The following ZMAT4 variants were observed in gnomAD, a reference collection of about 807,000 sequenced individuals.
ZMAT4 encodes zinc finger matrin-type protein 4.
In ZMAT4, 17 loss-of-function variants were observed where a neutral mutation model predicts 28.7. That is an observed-to-expected ratio of 0.59 (90% CI 0.41 to 0.89). The LOEUF is 0.89. Among genes scored for constraint, ZMAT4 ranks in the 40% least tolerant of loss-of-function variants. The pLI, the probability that ZMAT4 is intolerant of heterozygous loss-of-function variation, is 0.00. For missense variants in ZMAT4, 240 were observed against 283.8 expected, an observed-to-expected ratio of 0.85 and a Z score of 1.11; for synonymous variants, 117 against 109.2, an observed-to-expected ratio of 1.07 and a Z score of -0.44.
At chr8:40,859,663 C>T (rs909777291) in intron 1 of ZMAT4, among the ~76,000 whole-genome samples, 20 of 152,168 alleles carry the variant, frequency 1.3e-4, no homozygotes, top group African/African-American at 4.8e-4. Flanking sequence ...AAAGCAAATG[C>T]TGTGTGTGCA....
intron 2 of ZMAT4, among the ~76,000 whole-genome samples, chr8:40,776,497 C>T (rs113189599): frequency 2.6e-5 from 4 of 152,294 alleles, no homozygotes; most frequent in South Asian, 2.1e-4. Context: ...CCTGGAGGAA[C>T]AGTTTTCTGT....
chr8:40,548,022 G>T (rs1247256686), intron 6 of ZMAT4, among the ~76,000 whole-genome samples: 1 of 152,160 alleles, frequency 6.6e-6, no homozygotes, highest in African/African-American at 2.4e-5. Context: ...CTGGCAGAAG[G>T]ACTAGCAAGT....
At position 40,722,905 on chromosome 8, in the gene ZMAT4, A is replaced by C. The variant is rs147704937; in HGVS notation, c.193-25504T>G. 3.4e-3 allele frequency among the ~76,000 whole-genome samples: 514 copies of C among 152,224 alleles called. 2 individuals carry two copies. Among genetic ancestry groups the C allele is most frequent in the Non-Finnish European group, 4.8e-3 (326 of 68,018 alleles). On this transcript the variant is annotated intron_variant, in intron 3 of 6. Transcript: ENST00000297737. ...AGTCCTCAACATCACCAACATACAA[A>C]TTCTCAACACAAGAATGGCTCATGT...
chr8:40,740,044 T>C (rs531584857), intron 3 of ZMAT4, among the ~76,000 whole-genome samples: 84 of 152,352 alleles, frequency 5.5e-4, no homozygotes, highest in African/African-American at 1.7e-3. Flanking sequence ...CAGTCTACCA[T>C]TGATGGGCGT....
At chr8:40,864,144 G>T (rs1817597286) in intron 1 of ZMAT4, among the ~76,000 whole-genome samples, 1 of 152,228 alleles carries the variant, frequency 6.6e-6, no homozygotes, top group South Asian at 2.1e-4. Context: ...CCAGAGGTGG[G>T]TGTTCCCGGG....
intron 5 of ZMAT4, among the ~76,000 whole-genome samples, chr8:40,591,930 C>T (rs1214355283): frequency 6.6e-6 from 1 of 151,852 alleles, no homozygotes; most frequent in Non-Finnish European, 1.5e-5. Context: ...ATATTTATTT[C>T]CTATTTCAAA....
intron 3 of ZMAT4, among the ~76,000 whole-genome samples, chr8:40,725,178 A>T (rs1402482892): frequency 6.6e-6 from 1 of 151,524 alleles, no homozygotes; most frequent in Non-Finnish European, 1.5e-5. Flanking sequence ...AAGTGTGTTT[A>T]TTCCTGCTAA....
chr8:40,714,621 C>T (rs1468094891), intron 3 of ZMAT4, among the ~76,000 whole-genome samples: 2 of 152,084 alleles, frequency 1.3e-5, no homozygotes, highest in East Asian at 3.9e-4. Flanking sequence ...TCCATTGATG[C>T]CTTTTGTCAT....
At chr8:40,549,677 C>T (rs945406320) in intron 6 of ZMAT4, among the ~76,000 whole-genome samples, 4 of 152,160 alleles carry the variant, frequency 2.6e-5, no homozygotes, top group African/African-American at 7.2e-5. Context: ...AAAACATACT[C>T]TGTTCCAACT....
chr8:40,795,786 G>A (rs1182498365), intron 2 of ZMAT4, among the ~76,000 whole-genome samples: 1 of 152,142 alleles, frequency 6.6e-6, no homozygotes, highest in African/African-American at 2.4e-5. Context: ...TGACATTCTT[G>A]AGCATCCAAA....
chr8:40,732,539 G>C (rs1235502010), intron 3 of ZMAT4, among the ~76,000 whole-genome samples: 1 of 152,212 alleles, frequency 6.6e-6, no homozygotes, highest in African/African-American at 2.4e-5. Context: ...TCTTCTCCCT[G>C]GTAGGAACAG....
intron 3 of ZMAT4, among the ~76,000 whole-genome samples, chr8:40,698,902 A>G (rs998755960): frequency 3.9e-5 from 6 of 151,946 alleles, no homozygotes; most frequent in African/African-American, 1.4e-4. Context: ...GGCTTTCCCA[A>G]TAGGTCCTCT....
chr8:40,720,224 G>A (rs748735096), intron 3 of ZMAT4, among the ~76,000 whole-genome samples: 1 of 152,194 alleles, frequency 6.6e-6, no homozygotes, highest in Non-Finnish European at 1.5e-5. Flanking sequence ...TCAGGTGATT[G>A]TTGTCACTAT....
intron 2 of ZMAT4, among the ~76,000 whole-genome samples, chr8:40,814,452 C>T (rs763460568): frequency 6.6e-6 from 1 of 152,166 alleles, no homozygotes; most frequent in Non-Finnish European, 1.5e-5. Context: ...CCAATCATTA[C>T]AGGTCGAGAT....
chr8:40,600,037 G>T (rs747512661), intron 5 of ZMAT4, among the ~76,000 whole-genome samples: 1 of 152,186 alleles, frequency 6.6e-6, no homozygotes, highest in Non-Finnish European at 1.5e-5. Context: ...ACTAAAAACT[G>T]CTTCAAACAA....
rs1412979544 is a variant in ZMAT4, at chr8:40,812,928, C to A, written c.102+12647G>T. ...AGCCTGGGCGACAAGAGCAAAACTC[C>A]ATCTCAAAAATTAAATTAAATTAAA... On this transcript the variant is annotated intron_variant, in intron 2 of 6. Coordinates refer to ENST00000297737, the MANE Select transcript of ZMAT4 (RefSeq NM_024645.3). 6.0e-5 allele frequency among the ~76,000 whole-genome samples: 8 copies of A among 134,138 alleles called. 3 individuals are homozygous for A. In the Admixed American group the frequency reaches 6.3e-4, roughly 11 times the overall value. 88.0% of individuals were successfully genotyped at this position (134,138 alleles called of 152,430 possible).
At chr8:40,739,158 A>T (rs1811895571) in intron 3 of ZMAT4, among the ~76,000 whole-genome samples, 1 of 152,252 alleles carries the variant, frequency 6.6e-6, no homozygotes, top group Admixed American at 6.5e-5. Context: ...ATGTTAATAC[A>T]TTTGATACAG....
intron 2 of ZMAT4, among the ~76,000 whole-genome samples, chr8:40,819,545 C>T (rs1047891431): frequency 6.6e-6 from 1 of 152,082 alleles, no homozygotes; most frequent in Non-Finnish European, 1.5e-5. Context: ...CAGGGGGGAG[C>T]ACGGGAGGTA....
In ZMAT4 at chr8:40,561,984, T is replaced by C. The variant is rs967089741; in HGVS notation, c.674+19181A>G. Among the ~76,000 whole-genome samples, 2 of 152,180 alleles carry C rather than the reference T, an allele frequency of 1.3e-5. 1 individual carries two copies. The highest frequency in any genetic ancestry group is 4.8e-5 in the African/African-American group (2 of 41,446). ...GGAGAGACAGACACACACCTCCTAGTGGTCTTGCTTCTCTGACTGAAGTCA... is the reference window on the plus strand; with the variant it reads ...GGAGAGACAGACACACACCTCCTAGCGGTCTTGCTTCTCTGACTGAAGTCA... On this transcript the variant is annotated intron_variant, in intron 6 of 6. Coordinates refer to ENST00000297737, the MANE Select transcript of ZMAT4 (RefSeq NM_024645.3).
Sources: allele counts gnomAD v4.1 joint callset (sites outside exome capture counted in the v4.1 genomes callset), GRCh38; gene constraint gnomAD v4.1.1; transcripts MANE v1.5; gene names NCBI Gene and HGNC (gene_info 2026-07-23, HGNC 2026-07-21).